Variants in ZNF184 observed in about 807,000 individuals in gnomAD.
ZNF184 encodes the protein zinc finger protein 184 (Kruppel-like).
A neutral mutation model predicts 54.4 loss-of-function variants in ZNF184; 16 were observed. That is an observed-to-expected ratio of 0.29 (90% CI 0.20 to 0.45). The LOEUF (loss-of-function observed/expected upper bound fraction) is 0.45, where lower values mean the gene tolerates loss of function less well. ZNF184 is among the 20% of genes least tolerant of loss of function. ZNF184 has a pLI of 1.00. For synonymous variants in ZNF184, 254 were observed against 295.3 expected, an observed-to-expected ratio of 0.86 and a Z score of 1.43; for missense variants, 681 against 888.2, an observed-to-expected ratio of 0.77 and a Z score of 2.97.
intron 3 of ZNF184, among the ~76,000 whole-genome samples, chr6:27,458,295 T>TAAAAAAAAAAAAAAAAAAAAA (rs55966783): frequency 3.2e-5 from 2 of 62,368 alleles, no homozygotes; most frequent in African/African-American, 6.7e-5. Flanking sequence ...TTCTGCACAG[T>TAAAAAAAAAAAAAAAAAAAAA]AAAAAAAAAA....
Position 27,452,021 on chromosome 6 carries a change from T to G in ZNF184, c.1538A>C (p.Tyr513Ser), listed in dbSNP as rs1762739552. 6.2e-7 allele frequency: 1 copy of G among 1,613,874 alleles called. No homozygotes were observed. Among genetic ancestry groups the G allele is most frequent in the Non-Finnish European group, 8.5e-7 (1 of 1,180,022 alleles). The part of the protein sequence containing the change: ...ECSECGKAFS[Y>S]LSNLNQHQKT... ...CTGATGCTGATTAAGGTTTGAGAGATAACTGAAAGCCTTTCCACATTCACT... is the reference window on the plus strand; with the variant it reads ...CTGATGCTGATTAAGGTTTGAGAGAGAACTGAAAGCCTTTCCACATTCACT... The change falls in exon 6 of 6, where the codon TAT becomes TCT. Residue 513 changes from tyrosine to serine, a missense_variant. Tyr to Ser is a moderately radical substitution (Grantham distance 144, BLOSUM62 -2). Transcript: ENST00000683788. This position sits in a 1 kb window ranked among gnomAD's most constrained non-coding sequence, Gnocchi z 5.5.
In ZNF184 at chr6:27,467,897, G is replaced by T; in HGVS notation, c.31C>A (p.Leu11Ile). 1 of 1,612,076 alleles carries T rather than the reference G, an allele frequency of 6.2e-7. No individual in the cohort carries two copies. The highest frequency in any genetic ancestry group is 8.5e-7 in the Non-Finnish European group (1 of 1,179,114). MEDLSSPDSTLLQGGHNLLSS... is the reference protein window; with the variant it reads MEDLSSPDSTILQGGHNLLSS... ...AGTAGATTATGTCCCCCTTGGAGAA[G>T]GGTGGAGTCTGGAGAGGACAGATCT... The change falls in exon 3 of 6, where the codon CTT becomes ATT. Residue 11 changes from leucine (L) to isoleucine (I), a missense_variant. Coordinates refer to ENST00000683788, the MANE Select transcript of ZNF184 (RefSeq NM_001318891.2).
chr6:27,410,703 T>C, the ZNF184 span, among the ~76,000 whole-genome samples: 1 of 152,160 alleles, frequency 6.6e-6, no homozygotes, highest in East Asian at 1.9e-4. Flanking sequence ...GGCTAATTTT[T>C]GTATTTTTAG....
At chr6:27,408,288 A>G in the ZNF184 span, among the ~76,000 whole-genome samples, 1 of 152,244 alleles carries the variant, frequency 6.6e-6, no homozygotes, top group Non-Finnish European at 1.5e-5. Context: ...CAGGAGCTTC[A>G]CTGTAGTAGA....
At chr6:27,411,629 C>T in the ZNF184 span, among the ~76,000 whole-genome samples, 1 of 152,160 alleles carries the variant, frequency 6.6e-6, no homozygotes, top group Admixed American at 6.5e-5. Context: ...TGAGGAAGTC[C>T]GGATAGAAGG....
chr6:27,420,471 C>T, the ZNF184 span, among the ~76,000 whole-genome samples: 1 of 152,170 alleles, frequency 6.6e-6, no homozygotes, highest in African/African-American at 2.4e-5. Flanking sequence ...TCCCTACTGT[C>T]TCTCCATGCC....
the ZNF184 span, among the ~76,000 whole-genome samples, chr6:27,422,148 A>AAAGAAAGAAAGAAAGAAAGAGAGAAAG: frequency 2.3e-5 from 1 of 43,456 alleles, no homozygotes; most frequent in African/African-American, 8.5e-5. Flanking sequence ...CTCAAAAAAA[A>AAAGAAAGAAAGAAAGAAAGAGAGAAAG]AAAGAAAGAA....
rs762831825 is a variant in ZNF184, at chr6:27,452,241, G to A, written c.1318C>T (p.His440Tyr). ...CAATCATAGGGTTTCTCCCCAGTATGAGTTTTTTGATGCTGAGTGAGGTTT... is the reference window on the plus strand; with the variant it reads ...CAATCATAGGGTTTCTCCCCAGTATAAGTTTTTTGATGCTGAGTGAGGTTT... ...HSNLTQHQKT[H>Y]TGEKPYDCAE... Residue 440 changes from histidine to tyrosine, a missense_variant, in exon 6 of 6, where the codon CAT becomes TAT. Coordinates refer to ENST00000683788, the MANE Select transcript of ZNF184 (RefSeq NM_001318891.2). The surrounding 1 kb of genome is among the most constrained non-coding windows in gnomAD (Gnocchi z 5.5). 1.2e-6 allele frequency: 2 copies of A among 1,613,976 alleles called. No homozygotes were observed. The highest frequency in any genetic ancestry group is 1.7e-6 in the Non-Finnish European group (2 of 1,180,010).
the ZNF184 span, among the ~76,000 whole-genome samples, chr6:27,433,489 C>T: frequency 1.3e-5 from 2 of 152,174 alleles, no homozygotes; most frequent in South Asian, 2.1e-4. Flanking sequence ...AATAATAACT[C>T]CCCATTCCCC....
chr6:27,416,969 G>C, the ZNF184 span, among the ~76,000 whole-genome samples: 1 of 152,088 alleles, frequency 6.6e-6, no homozygotes, highest in Non-Finnish European at 1.5e-5. Flanking sequence ...CTTGACTCTT[G>C]AGTAGAGTGC....
At chr6:27,422,714 G>A in the ZNF184 span, among the ~76,000 whole-genome samples, 6 of 152,054 alleles carry the variant, frequency 3.9e-5, no homozygotes, top group Non-Finnish European at 7.3e-5. Context: ...TTTCCCAGAG[G>A]CAAATCAGCA....
chr6:27,433,725 T>C, the ZNF184 span, among the ~76,000 whole-genome samples: 1 of 152,240 alleles, frequency 6.6e-6, no homozygotes, highest in East Asian at 1.9e-4. Context: ...CACATTTTGT[T>C]ACCCATTCAA....
At chr6:27,470,878 T>C (rs1380922774) in intron 2 of ZNF184, among the ~76,000 whole-genome samples, 1 of 152,142 alleles carries the variant, frequency 6.6e-6, no homozygotes, top group Non-Finnish European at 1.5e-5. Flanking sequence ...GAAACTACTT[T>C]GGCTGATTTA....
the ZNF184 span, among the ~76,000 whole-genome samples, chr6:27,416,808 G>A: frequency 6.6e-6 from 1 of 152,036 alleles, no homozygotes; most frequent in Non-Finnish European, 1.5e-5. Flanking sequence ...AAGTAATTTT[G>A]TTATGAATTT....
rs1762868823 is a variant in ZNF184, at chr6:27,456,868, GCTC to G, written c.253_255del (p.Glu85del). 6.2e-7 allele frequency: 1 copy of G among 1,614,130 alleles called. No homozygotes were observed. Among genetic ancestry groups the G allele is most frequent in the African/African-American group, 1.3e-5 (1 of 75,020 alleles). ...GGAATGCTTGGCTCCATGATCCATG[GCTC>G]TGTCCCTTGCTCTAACTGGGAAATC... On this transcript the variant is annotated inframe_deletion, in exon 5 of 6. Coordinates refer to ENST00000683788, the MANE Select transcript of ZNF184 (RefSeq NM_001318891.2).
the ZNF184 span, among the ~76,000 whole-genome samples, chr6:27,416,170 T>A: frequency 6.6e-6 from 1 of 152,236 alleles, no homozygotes. Flanking sequence ...AAGTCTATTT[T>A]CACCATCTTT....
intron 2 of ZNF184, 141 bp from the exon 3 acceptor site, chr6:27,468,061 A>C (rs1763186896): frequency 1.4e-6 from 1 of 699,784 alleles, no homozygotes; most frequent in Admixed American, 3.6e-5. Context: ...AAAAAGTTAC[A>C]AGATAACTGG....
chr6:27,472,354 C>CTTCA lies in ZNF184; in HGVS notation c.-64_-61dup. ...CACCAGGGTTCGCCAGGCAGCGTTC[C>CTTCA]TTCAGCTGGTATCTCGGTCTAGGAC... On this transcript the variant is annotated 5_prime_UTR_variant, in exon 2 of 6. The change creates a new upstream start codon in the 5' untranslated region. Coordinates refer to ENST00000683788, the MANE Select transcript of ZNF184 (RefSeq NM_001318891.2). The surrounding 1 kb of genome is among the most constrained non-coding windows in gnomAD (Gnocchi z 4.8). 1 of 1,612,672 alleles carries CTTCA rather than the reference C, an allele frequency of 6.2e-7. No homozygotes were observed. Among genetic ancestry groups the CTTCA allele is most frequent in the Non-Finnish European group, 8.5e-7 (1 of 1,178,994 alleles).
chr6:27,468,847 C>A (rs1168965090), intron 2 of ZNF184, among the ~76,000 whole-genome samples: 1 of 152,106 alleles, frequency 6.6e-6, no homozygotes, highest in African/African-American at 2.4e-5. Flanking sequence ...TAGAATAGTA[C>A]TTCTGGAGGG....
Sources: allele counts gnomAD v4.1 joint callset (sites outside exome capture counted in the v4.1 genomes callset), GRCh38; gene constraint gnomAD v4.1.1; non-coding constraint Gnocchi (gnomAD v3.1); transcripts MANE v1.5; gene names NCBI Gene and HGNC (gene_info 2026-07-23, HGNC 2026-07-21).